The following STRN variants were observed in gnomAD, a reference collection of about 807,000 sequenced individuals.
STRN encodes the protein striatin.
A neutral mutation model predicts 96.3 loss-of-function variants in STRN; 53 were observed. That is an observed-to-expected ratio of 0.55 (90% CI 0.44 to 0.69). The LOEUF (loss-of-function observed/expected upper bound fraction) is 0.69. STRN is among the 30% of genes least tolerant of loss of function. STRN has a pLI of 0.00. For missense variants in STRN, 987 were observed against 963.9 expected, an observed-to-expected ratio of 1.02 and a Z score of -0.32; for synonymous variants, 428 against 355.9, an observed-to-expected ratio of 1.20 and a Z score of -2.28.
At chr2:36,854,429 C>CAACA (rs1668294441) in intron 15 of STRN, among the ~76,000 whole-genome samples, 1 of 151,968 alleles carries the variant, frequency 6.6e-6, no homozygotes, top group African/African-American at 2.4e-5. Context: ...AAACAATGAA[C>CAACA]AACAGGTTAG....
At chr2:36,857,429 C>A (rs1385896063) in intron 14 of STRN, among the ~76,000 whole-genome samples, 1 of 151,908 alleles carries the variant, frequency 6.6e-6, no homozygotes, top group Non-Finnish European at 1.5e-5. Context: ...AATCCCAGCA[C>A]TTCGGGAGGC....
rs1439579618 is a variant in STRN at position 36,932,296 on chromosome 2, A to C, written c.235-7088T>G. Among the ~76,000 whole-genome samples, 4 of 152,006 alleles carry C rather than the reference A, an allele frequency of 2.6e-5. No individual in the cohort carries two copies. The East Asian group carries it at 7.8e-4, about 30-fold the overall frequency. On this transcript the variant is annotated intron_variant, in intron 1 of 17. Transcript: ENST00000263918. The stretch of plus-strand genomic sequence containing the variant: ...CAGCCTCCAGAGTAGCTGGGATTAC[A>C]GGCACCCGCCACTGCGTCTGGCTAA...
chr2:36,910,569 C>T (rs1669940307), intron 3 of STRN, among the ~76,000 whole-genome samples: 1 of 152,006 alleles, frequency 6.6e-6, no homozygotes, highest in Non-Finnish European at 1.5e-5. Context: ...GCCTTGTAAG[C>T]CCTAAAGCAA....
At chr2:36,893,525 C>T (rs147289066) in intron 7 of STRN, among the ~76,000 whole-genome samples, 1 of 152,226 alleles carries the variant, frequency 6.6e-6, no homozygotes, top group East Asian at 1.9e-4. Flanking sequence ...TTAACTCATA[C>T]TTCTTTTCGC....
Position 36,839,891 on chromosome 2 carries a change from A to G in STRN, c.*9565T>C, listed in dbSNP as rs1181441681. 6.6e-6 allele frequency: 1 copy of G among 152,228 alleles called. No individual in the cohort carries two copies. Among genetic ancestry groups the G allele is most frequent in the Non-Finnish European group, 1.5e-5 (1 of 68,046 alleles). The allele number at this position is 152,228 out of a possible 1,614,324, so 9.4% of individuals were successfully genotyped here. A position where few individuals can be genotyped will look rare whatever the true frequency, so the allele number is the denominator to read the frequency against. On this transcript the variant is annotated 3_prime_UTR_variant, in exon 18 of 18. Transcript: ENST00000263918. ...TTGTTGACTGTTTTATTCCTAAAACAATTGCACTGTTCAGCTAAAGCCCTG... is the reference window on the plus strand; with the variant it reads ...TTGTTGACTGTTTTATTCCTAAAACGATTGCACTGTTCAGCTAAAGCCCTG...
chr2:36,882,571 A>G (rs115833449), intron 9 of STRN, among the ~76,000 whole-genome samples: 10,313 of 152,222 alleles, frequency 0.068, 486 homozygotes, highest in Non-Finnish European at 0.1. Flanking sequence ...GTTTGAGATC[A>G]GCCTGAACAA....
intron 3 of STRN, among the ~76,000 whole-genome samples, chr2:36,912,228 C>T (rs1289751667): frequency 6.6e-6 from 1 of 152,216 alleles, no homozygotes; most frequent in Non-Finnish European, 1.5e-5. Context: ...CTAAGACACA[C>T]ATCACACGTG....
chr2:36,868,235 C>T (rs1016945041), intron 11 of STRN, among the ~76,000 whole-genome samples: 18 of 139,296 alleles, frequency 1.3e-4, no homozygotes, highest in African/African-American at 4.2e-4. Context: ...CTTCAGATTA[C>T]TCCGTTTAAA....
intron 15 of STRN, among the ~76,000 whole-genome samples, chr2:36,854,714 C>CA (rs1289431714): frequency 6.6e-6 from 1 of 151,828 alleles, no homozygotes; most frequent in Non-Finnish European, 1.5e-5. Context: ...AGCCAAAAAC[C>CA]AAAAAAGAGT....
chr2:36,927,152 A>T (rs1670430396), intron 1 of STRN, among the ~76,000 whole-genome samples: 1 of 152,146 alleles, frequency 6.6e-6, no homozygotes, highest in Non-Finnish European at 1.5e-5. Context: ...TTCAGCCTAC[A>T]ATACCATAAA....
chr2:36,868,525 A>T (rs1290184555), intron 11 of STRN, among the ~76,000 whole-genome samples: 1 of 152,200 alleles, frequency 6.6e-6, no homozygotes, highest in Non-Finnish European at 1.5e-5. Context: ...AAAGTCACGT[A>T]CTTACTGTTT....
At chr2:36,872,685 G>C (rs1668792886) in intron 10 of STRN, among the ~76,000 whole-genome samples, 1 of 152,154 alleles carries the variant, frequency 6.6e-6, no homozygotes, top group African/African-American at 2.4e-5. Context: ...AAAAGAATGA[G>C]CTTTATCTGG....
At chr2:36,943,260 C>T (rs1670891065) in intron 1 of STRN, among the ~76,000 whole-genome samples, 1 of 151,960 alleles carries the variant, frequency 6.6e-6, no homozygotes, top group African/African-American at 2.4e-5. Context: ...TCCCACTCCC[C>T]AGAGGTAATC....
At chr2:36,890,374 G>A (rs372605578) in intron 7 of STRN, among the ~76,000 whole-genome samples, 5 of 151,826 alleles carry the variant, frequency 3.3e-5, no homozygotes, top group East Asian at 1.9e-4. Context: ...TGAAGGTAAT[G>A]GCAAATTTAC....
intron 6 of STRN, among the ~76,000 whole-genome samples, chr2:36,897,774 T>C (rs1289745354): frequency 1.3e-5 from 2 of 152,090 alleles, no homozygotes; most frequent in Non-Finnish European, 2.9e-5. Context: ...AGCATGATCA[T>C]GGCTCACTGC....
intron 1 of STRN, among the ~76,000 whole-genome samples, chr2:36,950,152 A>C (rs1214534006): frequency 1.3e-5 from 2 of 151,924 alleles, no homozygotes; most frequent in African/African-American, 4.8e-5. Flanking sequence ...GGCAATACTA[A>C]TAGATAAGGG....
chr2:36,915,506 G>C (rs1670073895), intron 3 of STRN, among the ~76,000 whole-genome samples: 2 of 151,424 alleles, frequency 1.3e-5, no homozygotes, highest in African/African-American at 4.8e-5. Flanking sequence ...ATTGTTTGAT[G>C]GTATGAAGAA....
At chr2:36,962,484 C>T (rs565907712) in intron 1 of STRN, among the ~76,000 whole-genome samples, 1 of 152,198 alleles carries the variant, frequency 6.6e-6, no homozygotes, top group East Asian at 1.9e-4. Context: ...GTTCTTTACT[C>T]CTGCTATTCT....
At chr2:36,923,637 A>T (rs1264577011) in intron 2 of STRN, among the ~76,000 whole-genome samples, 1 of 152,222 alleles carries the variant, frequency 6.6e-6, no homozygotes, top group East Asian at 1.9e-4. Context: ...GATGATGAAC[A>T]CAAGTTCTAA....
Sources: gnomAD v4.1 joint callset for allele counts (sites outside exome capture counted in the v4.1 genomes callset) on GRCh38, gnomAD v4.1.1 for gene constraint, MANE v1.5 for transcripts, NCBI Gene and HGNC (gene_info 2026-07-23, HGNC 2026-07-21) for gene names.